SLF1: variants seen among roughly 807,000 people sequenced by gnomAD.
The protein encoded by SLF1 is SMC5-SMC6 complex localization factor protein 1.
SLF1 carries 105 observed loss-of-function variants against 123.0 expected under a neutral mutation model. The observed-to-expected ratio is 0.85, with a 90% CI of 0.73 to 1.00. The LOEUF (loss-of-function observed/expected upper bound fraction) is 1.00. SLF1 is among the 50% of genes least tolerant of loss of function. The pLI is 0.00. For missense variants in SLF1, 1,239 were observed against 1,223.0 expected (o/e 1.01, Z -0.20); for synonymous variants, 434 against 406.6 (o/e 1.07, Z -0.81).
chr5:94,654,436 A>C (rs114841473), intron 8 of SLF1, among the ~76,000 whole-genome samples, 194 bp from the exon 9 acceptor site: 380 of 152,004 alleles, frequency 2.5e-3, no homozygotes, highest in African/African-American at 8.9e-3. Flanking sequence ...ATATCAGTTA[A>C]TTCTTTACAA....
chr5:94,623,448 A>G (rs1791968142), intron 1 of SLF1, among the ~76,000 whole-genome samples: 1 of 152,100 alleles, frequency 6.6e-6, no homozygotes, highest in Non-Finnish European at 1.5e-5. Context: ...TAAAAATAAA[A>G]CTTAACTGTC....
At chr5:94,649,731 C>A in intron 6 of SLF1, 134 bp downstream of exon 6, 1 of 806,006 alleles carries the variant, frequency 1.2e-6, no homozygotes, top group Non-Finnish European at 1.8e-6. Context: ...TAGTCTGTGA[C>A]TTGAACATGT....
At chr5:94,625,796 T>A (rs1238330981) in intron 1 of SLF1, among the ~76,000 whole-genome samples, 5 of 152,190 alleles carry the variant, frequency 3.3e-5, no homozygotes, top group African/African-American at 1.2e-4. Flanking sequence ...AATCCAAATG[T>A]GGCTTTTTTG....
At chr5:94,688,470 T>C (rs750160889) in intron 16 of SLF1, 36 bp from the exon 17 acceptor site, 75 of 1,589,440 alleles carry the variant, frequency 4.7e-5, no homozygotes, top group Non-Finnish European at 6.9e-6. Context: ...GCTGTTTTTG[T>C]AGTTGAGAAA....
At position 94,662,352 on chromosome 5, in the gene SLF1, G is replaced by A. The variant is rs1293150151; in HGVS notation, c.1209+1G>A. 6 of 1,546,044 alleles carry A rather than the reference G, an allele frequency of 3.9e-6. No homozygotes were observed. The highest frequency in any genetic ancestry group is 1.2e-5 in the South Asian group (1 of 82,878). ...TAAACAACCAGTGTACAACGTAGAG[G>A]TAAGGGGCTTGGAGCAGCATTGGTG... is the stretch of plus-strand genomic sequence containing the variant. On this transcript the variant is annotated splice_donor_variant, in intron 10 of 20. Transcript: ENST00000265140. LOFTEE classifies it high-confidence loss of function.
intron 14 of SLF1, chr5:94,678,451 A>T (rs1207181601): frequency 6.3e-6 from 1 of 159,304 alleles, no homozygotes; most frequent in Non-Finnish European, 1.4e-5. Flanking sequence ...ATCTTCTTTT[A>T]TAGTCCTATC....
At chr5:94,690,258 G>T (rs551794720) in intron 18 of SLF1, among the ~76,000 whole-genome samples, 1 of 151,764 alleles carries the variant, frequency 6.6e-6, no homozygotes, top group South Asian at 2.1e-4. Context: ...AGTCTTTTTT[G>T]TTGTTGTTGT....
At chr5:94,644,770 C>A (rs562161379) in intron 5 of SLF1, among the ~76,000 whole-genome samples, 1 of 152,304 alleles carries the variant, frequency 6.6e-6, no homozygotes, top group Admixed American at 6.5e-5. Context: ...GTACTCCTTA[C>A]ATTTACAGTT....
intron 4 of SLF1, 132 bp from the exon 5 acceptor site, chr5:94,643,141 C>A: frequency 1.7e-6 from 1 of 588,444 alleles, no homozygotes. Flanking sequence ...CTCTGTGATC[C>A]TCAATTGCCC....
intron 4 of SLF1, among the ~76,000 whole-genome samples, chr5:94,632,850 G>A (rs1387443067): frequency 6.6e-6 from 1 of 151,570 alleles, no homozygotes; most frequent in South Asian, 2.1e-4. Context: ...ACAGGTGCCC[G>A]GCTAATTTTC....
At chr5:94,694,073 T>A (rs1465521900) in intron 20 of SLF1, among the ~76,000 whole-genome samples, 1 of 151,886 alleles carries the variant, frequency 6.6e-6, no homozygotes, top group Non-Finnish European at 1.5e-5. Context: ...AACGTTTTTA[T>A]GGCCAAGTGC....
Position 94,692,236 on chromosome 5 carries a change from A to G in SLF1, c.2675A>G (p.Lys892Arg), listed in dbSNP as rs759962390. ...ALSNGHVEIG[K>R]LLLQHGGPVL... is the part of the protein sequence containing the mutation. The stretch of plus-strand genomic sequence containing the variant: ...TCAAACGGACATGTAGAAATTGGCA[A>G]GCTGCTACTACAGCATGGGGGTGAG... The change falls in exon 20 of 21, where the codon AAG becomes AGG. Residue 892 changes from lysine (K) to arginine (R), a missense_variant. Coordinates refer to ENST00000265140, the MANE Select transcript of SLF1 (RefSeq NM_032290.4). 27 of 1,613,480 alleles carry G rather than the reference A, an allele frequency of 1.7e-5. No homozygotes were observed. Among genetic ancestry groups the G allele is most frequent in the Non-Finnish European group, 2.1e-5 (25 of 1,179,636 alleles).
At chr5:94,688,723 C>A in intron 17 of SLF1, 54 bp downstream of exon 17, 1 of 1,576,162 alleles carries the variant, frequency 6.3e-7, no homozygotes, top group Non-Finnish European at 8.7e-7. Flanking sequence ...AGCTCTTTCT[C>A]TGATGCATTT....
At chr5:94,650,658 G>A (rs1200923035) in intron 6 of SLF1, among the ~76,000 whole-genome samples, 2 of 152,112 alleles carry the variant, frequency 1.3e-5, no homozygotes, top group African/African-American at 4.8e-5. Context: ...TTAAGAAATT[G>A]TATATGGCAA....
chr5:94,677,306 T>C (rs1751188027), intron 14 of SLF1, among the ~76,000 whole-genome samples: 1 of 152,172 alleles, frequency 6.6e-6, no homozygotes, highest in African/African-American at 2.4e-5. Context: ...TTCCTGTTAC[T>C]TGTCGTCTAG....
chr5:94,620,511 A>G (rs1054053550), intron 1 of SLF1, among the ~76,000 whole-genome samples: 3 of 152,230 alleles, frequency 2.0e-5, no homozygotes, highest in Non-Finnish European at 4.4e-5. Flanking sequence ...TGGGAAACCA[A>G]TAGTATAGCT....
intron 10 of SLF1, among the ~76,000 whole-genome samples, chr5:94,663,491 A>G (rs1315223992): frequency 1.3e-5 from 2 of 152,244 alleles, no homozygotes; most frequent in Non-Finnish European, 2.9e-5. Flanking sequence ...TAAGAATACA[A>G]AAATCAGCTG....
rs1451848093 is a variant in SLF1, at chr5:94,696,388, G to A, written c.*1076G>A. ...TACAAATGCTCAGTATCATATTACT[G>A]GGTTTGTAATCTAAATTGAAAACTG... On this transcript the variant is annotated 3_prime_UTR_variant, in exon 21 of 21. Transcript: ENST00000265140. 1 of 151,728 alleles carries A rather than the reference G, an allele frequency of 6.6e-6. No individual in the cohort carries two copies. Among genetic ancestry groups the A allele is most frequent in the Non-Finnish European group, 1.5e-5 (1 of 67,806 alleles). 9.4% of individuals were successfully genotyped at this position (151,728 alleles called of 1,614,324 possible).
chr5:94,639,037 C>CTTTTTTTTTTTTTTTTTTTTTTTTTTGT (rs764031689), intron 4 of SLF1, among the ~76,000 whole-genome samples: 1 of 88,970 alleles, frequency 1.1e-5, no homozygotes, highest in Admixed American at 1.4e-4. Flanking sequence ...CTTTTCTTCC[C>CTTTTTTTTTTTTTTTTTTTTTTTTTTGT]TTTTTTTTTT....
Sources: allele counts gnomAD v4.1 joint callset (sites outside exome capture counted in the v4.1 genomes callset), GRCh38; gene constraint gnomAD v4.1.1; transcripts MANE v1.5; gene names NCBI Gene and HGNC (gene_info 2026-07-23, HGNC 2026-07-21).